Variants in UNC5C observed in about 807,000 individuals in gnomAD.
The protein encoded by UNC5C is netrin receptor UNC5C.
Under a neutral mutation model 99.8 loss-of-function variants are expected in UNC5C, and 47 were observed. The ratio of observed to expected loss-of-function variants is 0.47; its 90% CI spans 0.37 to 0.60. The LOEUF is 0.60. UNC5C is among the 20% of genes least tolerant of loss of function. The pLI is 0.00. For synonymous variants in UNC5C, 487 were observed against 452.2 expected, an observed-to-expected ratio of 1.08 and a Z score of -0.98; for missense variants, 1,062 against 1,165.9, an observed-to-expected ratio of 0.91 and a Z score of 1.30.
intron 7 of UNC5C, chr4:95,222,316 T>A (rs942033877): frequency 1.7e-6 from 2 of 1,162,698 alleles, no homozygotes; most frequent in South Asian, 3.4e-5. Context: ...ATCAAATTAA[T>A]GAGGGAAAGA....
chr4:95,219,366 T>A (rs1320952256), intron 8 of UNC5C, 53 bp from the exon 9 acceptor site: 6 of 1,541,670 alleles, frequency 3.9e-6, no homozygotes, highest in Non-Finnish European at 5.3e-6. Flanking sequence ...CAGGCCAACC[T>A]ACATTAGTCA....
chr4:95,474,358 T>C (rs1014857485), intron 1 of UNC5C, among the ~76,000 whole-genome samples: 3 of 152,150 alleles, frequency 2.0e-5, no homozygotes, highest in African/African-American at 7.2e-5. Flanking sequence ...TGGTGCAATC[T>C]CTGCTCACTG....
Position 95,169,182 on chromosome 4 carries a change from C to A in UNC5C, c.*52G>T. ...CCTCAGCTGTGATTCACCTGGACGG[C>A]CACAGACTCCCTGTGCATTTTTGTC... On this transcript the variant is annotated 3_prime_UTR_variant, in exon 16 of 16. Coordinates refer to ENST00000453304, the MANE Select transcript of UNC5C (RefSeq NM_003728.4). 1 of 1,601,898 alleles carries A rather than the reference C, an allele frequency of 6.2e-7. No homozygotes were observed. The highest frequency in any genetic ancestry group is 1.1e-5 in the South Asian group (1 of 89,338).
chr4:95,513,285 G>T (rs1722127078), intron 1 of UNC5C, among the ~76,000 whole-genome samples: 1 of 152,190 alleles, frequency 6.6e-6, no homozygotes, highest in Non-Finnish European at 1.5e-5. Context: ...TGCAATGGGA[G>T]CATTAGTCAG....
intron 1 of UNC5C, among the ~76,000 whole-genome samples, chr4:95,481,079 G>A (rs1394358782): frequency 6.6e-6 from 1 of 150,862 alleles, no homozygotes; most frequent in African/African-American, 2.4e-5. Flanking sequence ...GTCCCTGTTT[G>A]CAGATGACAT....
At chr4:95,535,304 A>G (rs1300891520) in intron 1 of UNC5C, among the ~76,000 whole-genome samples, 1 of 152,266 alleles carries the variant, frequency 6.6e-6, no homozygotes, top group South Asian at 2.1e-4. Context: ...CTTTGACAAC[A>G]TGCTTTTATT....
At chr4:95,519,606 C>G (rs1722300878) in intron 1 of UNC5C, among the ~76,000 whole-genome samples, 3 of 151,946 alleles carry the variant, frequency 2.0e-5, no homozygotes, top group African/African-American at 7.3e-5. Flanking sequence ...ACTCATTGGA[C>G]TAAAGTAAAT....
At chr4:95,418,641 CCTCT>C (rs1746235597) in intron 1 of UNC5C, among the ~76,000 whole-genome samples, 1 of 152,128 alleles carries the variant, frequency 6.6e-6, no homozygotes, top group Admixed American at 6.5e-5. Flanking sequence ...GCTGTCCATG[CCTCT>C]CTGACTCCTG....
intron 3 of UNC5C, among the ~76,000 whole-genome samples, chr4:95,288,067 T>TTTATTTAC (rs1741302168): frequency 1.3e-5 from 2 of 149,210 alleles, no homozygotes; most frequent in African/African-American, 5.0e-5. Context: ...TTACAGATTA[T>TTTATTTAC]TTATTTATTT....
At chr4:95,446,329 C>T (rs1032461228) in intron 1 of UNC5C, among the ~76,000 whole-genome samples, 2 of 152,060 alleles carry the variant, frequency 1.3e-5, no homozygotes, top group Non-Finnish European at 1.5e-5. Flanking sequence ...ACTCGATCCA[C>T]GGAAAATGAG....
chr4:95,533,482 G>A (rs187925902), intron 1 of UNC5C, among the ~76,000 whole-genome samples: 2 of 151,842 alleles, frequency 1.3e-5, no homozygotes, highest in Admixed American at 1.3e-4. Flanking sequence ...ATCATTTAAT[G>A]TGATATCATT....
At chr4:95,471,770 T>G (rs531485187) in intron 1 of UNC5C, among the ~76,000 whole-genome samples, 3 of 152,134 alleles carry the variant, frequency 2.0e-5, no homozygotes, top group African/African-American at 7.2e-5. Flanking sequence ...CAGCACGTGA[T>G]GTAAGGATGA....
rs529644984 is a variant in UNC5C, at chr4:95,214,561, G to A, written c.1733+1563C>T. On this transcript the variant is annotated intron_variant, in intron 10 of 15. Coordinates refer to ENST00000453304, the MANE Select transcript of UNC5C (RefSeq NM_003728.4). ...GCCAAGGAAAGTATGGGGAGAGCAG[G>A]CACGTGAGTGCACACCTCTTTCAGC... Among the ~76,000 whole-genome samples, 18 of 152,340 alleles carry A rather than the reference G, an allele frequency of 1.2e-4. No homozygotes were observed. The South Asian group carries it at 3.7e-3, about 32-fold the overall frequency.
At chr4:95,316,615 A>T (rs1312801018) in intron 2 of UNC5C, among the ~76,000 whole-genome samples, 1 of 152,208 alleles carries the variant, frequency 6.6e-6, no homozygotes, top group Non-Finnish European at 1.5e-5. Flanking sequence ...ACAGGGAAAT[A>T]CCTATCAAAA....
intron 12 of UNC5C, among the ~76,000 whole-genome samples, chr4:95,187,471 C>G (rs1487850954): frequency 2.0e-5 from 3 of 152,022 alleles, no homozygotes; most frequent in Non-Finnish European, 4.4e-5. Context: ...TCAACATAGA[C>G]TGCCAGAGGA....
chr4:95,507,297 A>G (rs963982540), intron 1 of UNC5C, among the ~76,000 whole-genome samples: 5 of 152,034 alleles, frequency 3.3e-5, no homozygotes, highest in African/African-American at 1.2e-4. Context: ...ATGAGGCACC[A>G]TTAGATAATT....
intron 1 of UNC5C, among the ~76,000 whole-genome samples, chr4:95,412,664 A>G (rs1481360145): frequency 6.6e-6 from 1 of 152,230 alleles, no homozygotes; most frequent in Non-Finnish European, 1.5e-5. Flanking sequence ...AAAATCTACC[A>G]TTTACAATTT....
intron 5 of UNC5C, 24 bp downstream of exon 5, chr4:95,250,463 T>C (rs1339240466): frequency 1.9e-6 from 3 of 1,608,168 alleles, no homozygotes; most frequent in Non-Finnish European, 2.5e-6. Context: ...ATGAACTAGA[T>C]TGAGACCCTG....
intron 2 of UNC5C, among the ~76,000 whole-genome samples, chr4:95,314,455 T>C (rs1287690442): frequency 1.3e-5 from 2 of 152,214 alleles, no homozygotes; most frequent in African/African-American, 4.8e-5. Flanking sequence ...TAAGGTCTAC[T>C]TATTTTGACA....
Sources: gnomAD v4.1 joint callset for allele counts (sites outside exome capture counted in the v4.1 genomes callset) on GRCh38, gnomAD v4.1.1 for gene constraint, MANE v1.5 for transcripts, NCBI Gene and HGNC (gene_info 2026-07-23, HGNC 2026-07-21) for gene names.